Variants in PHACTR4 observed in about 807,000 individuals in gnomAD.
PHACTR4 encodes the protein protein phosphatase 1, regulatory subunit 124.
PHACTR4 carries 51 observed loss-of-function variants against 72.7 expected under a neutral mutation model. That is an observed-to-expected ratio of 0.70 (90% CI 0.56 to 0.89). PHACTR4 has a LOEUF of 0.89. Among genes scored for constraint, PHACTR4 ranks in the 40% least tolerant of loss-of-function variants. PHACTR4 has a pLI of 0.00. For synonymous variants in PHACTR4, 255 were observed against 302.5 expected, an observed-to-expected ratio of 0.84 and a Z score of 1.63; for missense variants, 731 against 861.8, an observed-to-expected ratio of 0.85 and a Z score of 1.90.
At chr1:28,480,342 C>T in intron 8 of PHACTR4, 109 bp from the exon 9 acceptor site, 1 of 1,288,006 alleles carries the variant, frequency 7.8e-7, no homozygotes. Context: ...CAGGTGGGAA[C>T]TGGGAATTAA....
At chr1:28,444,049 G>A (rs1557817772) in intron 2 of PHACTR4, among the ~76,000 whole-genome samples, 2 of 151,626 alleles carry the variant, frequency 1.3e-5, no homozygotes, top group Non-Finnish European at 2.9e-5. Context: ...CATTCCCACC[G>A]ACAGTGTATA....
chr1:28,496,571 T>C lies in PHACTR4; in HGVS notation c.*22T>C, dbSNP rs1484030475. The C allele has an allele frequency of 1.7e-5, 28 of 1,613,436 alleles. No homozygotes were observed. The highest frequency in any genetic ancestry group is 2.3e-5 in the Non-Finnish European group (27 of 1,179,774). On this transcript the variant is annotated 3_prime_UTR_variant, in exon 14 of 14. Coordinates refer to ENST00000373839, the MANE Select transcript of PHACTR4 (RefSeq NM_001048183.3). Reference sequence around the variant, plus strand: ...ATGATGCCAAAGGTTGAGAGAGGAATCAACATGGCTGCTTTGCTGCTTCCT... The same window carrying C: ...ATGATGCCAAAGGTTGAGAGAGGAACCAACATGGCTGCTTTGCTGCTTCCT...
At chr1:28,452,468 C>T (rs1257777184) in intron 2 of PHACTR4, among the ~76,000 whole-genome samples, 1 of 152,092 alleles carries the variant, frequency 6.6e-6, no homozygotes, top group African/African-American at 2.4e-5. Context: ...CTCATCTCAC[C>T]ACTGCACTCT....
intron 2 of PHACTR4, chr1:28,433,024 T>C: frequency 1.0e-6 from 1 of 980,094 alleles, no homozygotes; most frequent in Non-Finnish European, 1.2e-6. Flanking sequence ...ATTAGAGGCG[T>C]GAGCCACTGC....
chr1:28,448,718 T>C (rs368528699), intron 2 of PHACTR4, among the ~76,000 whole-genome samples: 9,119 of 113,312 alleles, frequency 0.08, 867 homozygotes, highest in African/African-American at 0.25. Context: ...GCCGAGATCG[T>C]GCCACTGCAC....
Position 28,466,607 on chromosome 1 carries a change from T to C in PHACTR4, c.662T>C (p.Val221Ala). Residue 221 changes from valine (V) to alanine (A), a missense_variant, in exon 6 of 14, where the codon GTT becomes GCT. Transcript: ENST00000373839. ...GCTGCCACAAGCCTTGCAAAGACTG[T>C]TAATCTCTCTGTCACCCCTTCCCCA... Reference protein sequence around the residue: ...TTAATSLAKTVNLSVTPSPAP... With the variant: ...TTAATSLAKTANLSVTPSPAP... 6.2e-7 allele frequency: 1 copy of C among 1,613,958 alleles called. No homozygotes were observed.
intron 2 of PHACTR4, among the ~76,000 whole-genome samples, chr1:28,407,743 A>T (rs1654461459): frequency 6.6e-6 from 1 of 152,238 alleles, no homozygotes; most frequent in Non-Finnish European, 1.5e-5. Flanking sequence ...CAACATTGAT[A>T]AACCCATTAT....
chr1:28,376,963 C>T (rs1007808093), intron 1 of PHACTR4, among the ~76,000 whole-genome samples: 3 of 150,396 alleles, frequency 2.0e-5, no homozygotes, highest in African/African-American at 7.3e-5. Context: ...ATGAGTTTTG[C>T]TCTTGTCACT....
intron 8 of PHACTR4, among the ~76,000 whole-genome samples, chr1:28,476,752 G>C (rs1368336549): frequency 6.5e-5 from 9 of 139,298 alleles, no homozygotes; most frequent in Admixed American, 7.2e-5. Context: ...ACAGGGTCTC[G>C]TTAGGTTGCC....
rs867506244 is a variant in PHACTR4, at chr1:28,491,021, G to T, written c.1878+9G>T. 2 of 1,610,760 alleles carry T rather than the reference G, an allele frequency of 1.2e-6. No homozygotes were observed. On this transcript the variant is annotated intron_variant, in intron 11 of 13. Coordinates refer to ENST00000373839, the MANE Select transcript of PHACTR4 (RefSeq NM_001048183.3). ...GTCGGCTCACTAGAAAGGTACTACT[G>T]CCTGTGTGTTCAGTTAACTATATGT... is the stretch of plus-strand genomic sequence containing the variant.
At position 28,371,099 on chromosome 1, in the gene PHACTR4, A is replaced by C. The variant is rs1651211570; in HGVS notation, c.-39+1274A>C. On this transcript the variant is annotated intron_variant, in intron 1 of 13. Coordinates refer to ENST00000373839, the MANE Select transcript of PHACTR4 (RefSeq NM_001048183.3). Reference sequence around the variant, plus strand: ...AAGACTGCATTGCTAGAATCAGCTTAAGGTAAAATTTGTTTGTTTGTTTCA... The same window carrying C: ...AAGACTGCATTGCTAGAATCAGCTTCAGGTAAAATTTGTTTGTTTGTTTCA... 1.3e-5 allele frequency among the ~76,000 whole-genome samples: 2 copies of C among 152,132 alleles called. 1 individual carries two copies. The highest frequency in any genetic ancestry group is 4.1e-4 in the South Asian group (2 of 4,832).
At chr1:28,441,511 T>C (rs1657028774) in intron 2 of PHACTR4, among the ~76,000 whole-genome samples, 1 of 152,382 alleles carries the variant, frequency 6.6e-6, no homozygotes, top group East Asian at 1.9e-4. Flanking sequence ...ATTTATGAGA[T>C]GTTATAACCA....
intron 1 of PHACTR4, among the ~76,000 whole-genome samples, chr1:28,389,690 A>G (rs561770135): frequency 5.3e-5 from 8 of 152,144 alleles, no homozygotes; most frequent in Admixed American, 1.3e-4. Context: ...GTTGGCCAAG[A>G]TGGTCTTGAT....
chr1:28,476,884 T>A (rs1445726101), intron 8 of PHACTR4, among the ~76,000 whole-genome samples: 1 of 145,944 alleles, frequency 6.9e-6, no homozygotes, highest in Non-Finnish European at 1.5e-5. Flanking sequence ...AATTCTCCTG[T>A]CTCAGCCTCC....
At chr1:28,462,133 G>T (rs538866252) in intron 4 of PHACTR4, among the ~76,000 whole-genome samples, 1 of 151,956 alleles carries the variant, frequency 6.6e-6, no homozygotes, top group South Asian at 2.1e-4. Flanking sequence ...TCAGCCTCCC[G>T]AGGAGCTGTG....
chr1:28,403,447 A>G (rs971016751), intron 1 of PHACTR4, among the ~76,000 whole-genome samples: 1 of 152,186 alleles, frequency 6.6e-6, no homozygotes, highest in African/African-American at 2.4e-5. Flanking sequence ...TGACAGTTGT[A>G]GGCTGTCTCC....
At chr1:28,485,144 A>T (rs574915148) in intron 9 of PHACTR4, among the ~76,000 whole-genome samples, 1 of 152,326 alleles carries the variant, frequency 6.6e-6, no homozygotes, top group African/African-American at 2.4e-5. Flanking sequence ...TGAAATAGTC[A>T]CATTTATAGA....
At chr1:28,431,214 T>A (rs1395971863) in intron 2 of PHACTR4, among the ~76,000 whole-genome samples, 1 of 125,498 alleles carries the variant, frequency 8.0e-6, no homozygotes, top group Non-Finnish European at 1.7e-5. Flanking sequence ...TATATATATA[T>A]AAACATGGGG....
intron 9 of PHACTR4, among the ~76,000 whole-genome samples, chr1:28,487,727 G>GTTGTT (rs1660774578): frequency 3.2e-5 from 2 of 63,310 alleles, no homozygotes; most frequent in African/African-American, 1.1e-4. Context: ...GTTTTTTGTT[G>GTTGTT]TTTTTTTTTT....
Sources: gnomAD v4.1 joint callset for allele counts (sites outside exome capture counted in the v4.1 genomes callset) on GRCh38, gnomAD v4.1.1 for gene constraint, MANE v1.5 for transcripts, NCBI Gene and HGNC (gene_info 2026-07-23, HGNC 2026-07-21) for gene names.